Variants in ISYNA1 observed in about 807,000 individuals in gnomAD.
ISYNA1 encodes the protein inositol-3-phosphate synthase 1.
Under a neutral mutation model 50.3 loss-of-function variants are expected in ISYNA1, and 34 were observed. The observed-to-expected ratio is 0.68, with a 90% CI of 0.51 to 0.90. ISYNA1 has a LOEUF of 0.90. Ranked by LOEUF, ISYNA1 falls within the 40% of genes least tolerant of loss-of-function variation. The pLI is 0.00. For missense variants in ISYNA1, 718 were observed against 784.8 expected (o/e 0.91, Z 1.02); for synonymous variants, 396 against 349.9 (o/e 1.13, Z -1.47).
chr19:18,437,335 C>T, intron 3 of ISYNA1: 1 of 1,404,114 alleles, frequency 7.1e-7, no homozygotes, highest in Non-Finnish European at 9.3e-7. Context: ...CCTCGCGAAA[C>T]CCTTCCACGG....
At chr19:18,437,442 C>G in intron 3 of ISYNA1, 157 bp downstream of exon 3, 3 of 1,012,600 alleles carry the variant, frequency 3.0e-6, no homozygotes, top group Non-Finnish European at 3.9e-6. Context: ...CCTCCAGACC[C>G]GGGCAGGTCC....
rs145400842 is a variant in ISYNA1 at position 18,435,799 on chromosome 19, G to C, written c.1098C>G (p.Ser366Arg). Reference sequence around the variant, plus strand: ...CGCCGGGCGTATAGAGCACTGGGTTGCTCTGCACCATGTCGTCCACCACGT... The same window carrying C: ...CGCCGGGCGTATAGAGCACTGGGTTCCTCTGCACCATGTCGTCCACCACGT... ...KSNVVDDMVQ[S>R]NPVLYTPGEE... The change falls in exon 8 of 11, where the codon AGC becomes AGG. Residue 366 changes from serine to arginine, a missense_variant. By Grantham distance (110) the Ser-to-Arg change is moderately radical. This residue lies in a region of ISYNA1 where 305 missense variants were observed against 292.6 expected (regional missense o/e 1.04). Coordinates refer to ENST00000338128, the MANE Select transcript of ISYNA1 (RefSeq NM_016368.5). 1 of 1,613,744 alleles carries C rather than the reference G, an allele frequency of 6.2e-7. No individual in the cohort carries two copies.
In ISYNA1 at chr19:18,437,467, C is replaced by T. The variant is rs577841523; in HGVS notation, c.282+132G>A. The stretch of plus-strand genomic sequence containing the variant: ...CGGGCAGGTCCCTCGCCCCTGCAGC[C>T]CCTCGCCCCGCGGAACCCCACCCCC... On this transcript the variant is annotated intron_variant, in intron 3 of 10. Coordinates refer to ENST00000338128, the MANE Select transcript of ISYNA1 (RefSeq NM_016368.5). 5,234 of 938,936 alleles carry T rather than the reference C, an allele frequency of 5.6e-3. 32 individuals carry two copies. The highest frequency in any genetic ancestry group is 9.7e-3 in the Admixed American group (265 of 27,326). The allele number at this position is 938,936 out of a possible 1,614,324, so 58.2% of individuals were successfully genotyped here. A position where few individuals can be genotyped will look rare whatever the true frequency, so the allele number is the denominator to read the frequency against.
At chr19:18,438,034 C>T in intron 1 of ISYNA1, 46 bp from the exon 2 acceptor site, 1 of 1,508,990 alleles carries the variant, frequency 6.6e-7, no homozygotes. Flanking sequence ...CTCTAAGCGG[C>T]CGGGGCCAAG....
chr19:18,436,520 G>T, intron 5 of ISYNA1, 41 bp from the exon 6 acceptor site: 1 of 1,601,192 alleles, frequency 6.2e-7, no homozygotes, highest in Non-Finnish European at 8.5e-7. Flanking sequence ...GATGGAGAGG[G>T]TGTAGGGAAG....
chr19:18,436,543 ACT>A (rs1437702784), intron 5 of ISYNA1, 64 bp from the exon 6 acceptor site: 1 of 1,597,068 alleles, frequency 6.3e-7, no homozygotes, highest in African/African-American at 1.3e-5. Context: ...GGTTGTACAT[ACT>A]CTCGGACTCA....
chr19:18,435,355 G>C lies in ISYNA1; in HGVS notation c.1383C>G (p.Ser461Arg), dbSNP rs1973933577. The C allele has an allele frequency of 1.2e-6, 2 of 1,610,980 alleles. No homozygotes were observed. Among genetic ancestry groups the C allele is most frequent in the Non-Finnish European group, 1.7e-6 (2 of 1,179,988 alleles). Residue 461 changes from serine (S) to arginine (R), a missense_variant, in exon 10 of 11, where the codon AGC (serine) becomes AGG (arginine). Ser to Arg is a moderately radical substitution (Grantham distance 110, BLOSUM62 -1). Coordinates refer to ENST00000338128, the MANE Select transcript of ISYNA1 (RefSeq NM_016368.5). ...QTFHPVLSLL[S>R]FLFKAPLVPP... ...GCACTAGTGGCGCCTTGAAGAGGAA[G>C]CTGAGCAGGGACAGCACGGGGTGGA...
At position 18,436,887 on chromosome 19, in the gene ISYNA1, C is replaced by A; in HGVS notation, c.416-10G>T. 6.3e-7 allele frequency: 1 copy of A among 1,595,660 alleles called. No individual in the cohort carries two copies. Among genetic ancestry groups the A allele is most frequent in the Admixed American group, 1.8e-5 (1 of 55,524 alleles). ...GACGAGATGTCCCAGCCTGGGGGGA[C>A]CCTCACACTCGGCCCTGCCCGGATC... is the stretch of plus-strand genomic sequence containing the variant. On this transcript the variant is annotated splice_polypyrimidine_tract_variant and intron_variant, in intron 4 of 10. Coordinates refer to ENST00000338128, the MANE Select transcript of ISYNA1 (RefSeq NM_016368.5).
In ISYNA1 at chr19:18,436,370, C is replaced by T; in HGVS notation, c.719G>A (p.Gly240Asp). The T allele has an allele frequency of 6.2e-7, 1 of 1,612,532 alleles. No individual in the cohort carries two copies. The highest frequency in any genetic ancestry group is 8.5e-7 in the Non-Finnish European group (1 of 1,179,916). Residue 240 changes from glycine to aspartate, a missense_variant, in exon 6 of 11, where the codon GGC (glycine) becomes GAC (aspartate). Physicochemically the swap from Gly to Asp is moderately conservative, Grantham distance 94. Coordinates refer to ENST00000338128, the MANE Select transcript of ISYNA1 (RefSeq NM_016368.5). The part of the protein sequence containing the change: ...NTERFCEVIP[G>D]LNDTAENLLR... ...CAGGTTCTCGGCTGTGTCGTTGAGG[C>T]CTGGAATCACCTCACAGAAGCGCTC...
At chr19:18,436,526 G>A (rs1319980784) in intron 5 of ISYNA1, 47 bp from the exon 6 acceptor site, 2 of 1,601,156 alleles carry the variant, frequency 1.2e-6, no homozygotes, top group Admixed American at 1.7e-5. Context: ...GAGGGTGTAG[G>A]GAAGTTGGTT....
rs1332901087 is a variant in ISYNA1, at chr19:18,437,741, C to A, written c.140G>T (p.Arg47Leu). 4 of 1,572,642 alleles carry A rather than the reference C, an allele frequency of 2.5e-6. No individual in the cohort carries two copies. The highest frequency in any genetic ancestry group is 3.4e-6 in the Non-Finnish European group (4 of 1,162,274). Residue 47 changes from arginine to leucine, a missense_variant, in exon 3 of 11, where the codon CGC (arginine) becomes CTC (leucine). Arg to Leu is a moderately radical substitution (Grantham distance 102). This residue lies in a region of ISYNA1 where 403 missense variants were observed against 466.6 expected (regional missense o/e 0.86). Transcript: ENST00000338128. ...CTGCCGGGCGGTCCGGAAGGTGAAG[C>A]GCGTGGACGTGGGGTGCACCTGAAG... Reference protein sequence around the residue: ...GVLKVHPTSTRFTFRTARQVP... With the variant: ...GVLKVHPTSTLFTFRTARQVP...
chr19:18,435,977 G>T, intron 7 of ISYNA1, 55 bp downstream of exon 7: 20 of 1,612,720 alleles, frequency 1.2e-5, no homozygotes, highest in Non-Finnish European at 1.7e-5. Flanking sequence ...CACAAGCCAG[G>T]TGCTCGCGGC....
rs2144857310 is a variant in ISYNA1, at chr19:18,437,082, C to G, written c.306G>C (p.Leu102=). The G allele has an allele frequency of 6.4e-7, 1 of 1,571,096 alleles. No homozygotes were observed. The highest frequency in any genetic ancestry group is 1.2e-5 in the South Asian group (1 of 86,216). The change falls in exon 4 of 11, where the codon CTG becomes CTC. Residue 102 remains leucine, a synonymous_variant. Transcript: ENST00000338128. ...GRKEANYYGS[L]TQAGTVSLGL... ...CCAGGCTCACGGTGCCCGCCTGAGT[C>G]AGCGAGCCGTAGTAGTTGGCCTCCT...
chr19:18,435,950 T>G, intron 7 of ISYNA1, 29 bp from the exon 8 acceptor site: 1 of 1,613,324 alleles, frequency 6.2e-7, no homozygotes, highest in Non-Finnish European at 8.5e-7. Flanking sequence ...CCCCAGCAGC[T>G]GCAGGCCCTG....
intron 5 of ISYNA1, 66 bp downstream of exon 5, chr19:18,436,618 A>G (rs1282922103): frequency 1.3e-6 from 2 of 1,598,240 alleles, no homozygotes; most frequent in Admixed American, 1.8e-5. Context: ...GGGGTGGGGC[A>G]AAAAGAGGGA....
intron 5 of ISYNA1, 55 bp from the exon 6 acceptor site, chr19:18,436,534 G>C: frequency 6.3e-7 from 1 of 1,599,772 alleles, no homozygotes; most frequent in Non-Finnish European, 8.5e-7. Context: ...AGGGAAGTTG[G>C]TTGTACATAC....
At chr19:18,437,521 G>A (rs1332608309) in intron 3 of ISYNA1, 78 bp downstream of exon 3, 78 of 259,846 alleles carry the variant, frequency 3.0e-4, no homozygotes, top group Middle Eastern at 2.3e-3. Flanking sequence ...GCAGAGCCCC[G>A]CCCCCTGCAG....
At chr19:18,437,557 C>G (rs1974112438) in intron 3 of ISYNA1, 42 bp downstream of exon 3, 3 of 1,317,896 alleles carry the variant, frequency 2.3e-6, no homozygotes, top group Admixed American at 3.1e-5. Flanking sequence ...CGCAAGGACT[C>G]CCACCAAGCC....
chr19:18,437,277 C>T (rs1384706599), intron 3 of ISYNA1, 172 bp from the exon 4 acceptor site: 2 of 1,424,716 alleles, frequency 1.4e-6, no homozygotes, highest in East Asian at 2.6e-5. Context: ...CTGAGACCTC[C>T]GGCACCTTAA....
Sources: gnomAD v4.1 joint callset for allele counts on GRCh38, gnomAD v4.1.1 for gene constraint, gnomAD v4.1.1 regional missense constraint, MANE v1.5 for transcripts, NCBI Gene and HGNC (gene_info 2026-07-23, HGNC 2026-07-21) for gene names.